DISC1: variants seen among roughly 807,000 people sequenced by gnomAD.
DISC1 encodes the protein disrupted in schizophrenia 1 protein.
A neutral mutation model predicts 84.5 loss-of-function variants in DISC1; 57 were observed. That is an observed-to-expected ratio of 0.67 (90% confidence interval 0.55 to 0.84). DISC1 has a LOEUF of 0.84. DISC1 is among the 40% of genes least tolerant of loss of function. The probability of loss-of-function intolerance (pLI) is 0.00; values close to 1 mark genes in which losing one functional copy is unlikely to be tolerated. For synonymous variants in DISC1, 411 were observed against 415.2 expected, an observed-to-expected ratio of 0.99 and a Z score of 0.12; for missense variants, 1,000 against 1,057.8, an observed-to-expected ratio of 0.95 and a Z score of 0.76.
chr1:231,952,709 A>G (rs821587), intron 9 of DISC1, among the ~76,000 whole-genome samples: 10,020 of 135,850 alleles, frequency 0.074, 720 homozygotes, highest in African/African-American at 0.2. Flanking sequence ...ATATATATAT[A>G]TATATGTATA....
intron 6 of DISC1, among the ~76,000 whole-genome samples, chr1:231,780,547 T>C (rs2077337444): frequency 7.4e-6 from 1 of 135,244 alleles, no homozygotes; most frequent in Non-Finnish European, 1.6e-5. Flanking sequence ...TAGGAACACT[T>C]TTACACTGTT....
chr1:231,808,486 G>A (rs138264047), intron 8 of DISC1, among the ~76,000 whole-genome samples: 1 of 152,232 alleles, frequency 6.6e-6, no homozygotes, highest in African/African-American at 2.4e-5. Flanking sequence ...AAGGCTGAGA[G>A]ACTTCATTGT....
chr1:231,734,909 G>T (rs969734049), intron 3 of DISC1, among the ~76,000 whole-genome samples: 8 of 152,170 alleles, frequency 5.3e-5, no homozygotes, highest in Admixed American at 3.9e-4. Flanking sequence ...GGTGTTCCCT[G>T]AAAAGATCTA....
intron 8 of DISC1, among the ~76,000 whole-genome samples, chr1:231,804,651 T>C (rs186046152): frequency 2.0e-5 from 3 of 152,258 alleles, no homozygotes; most frequent in Non-Finnish European, 2.9e-5. Flanking sequence ...TGTTCTCCCA[T>C]TGGCCACAGT....
intron 6 of DISC1, among the ~76,000 whole-genome samples, chr1:231,790,299 C>A (rs966084473): frequency 1.3e-5 from 2 of 152,130 alleles, no homozygotes; most frequent in Non-Finnish European, 2.9e-5. Context: ...ATGCATGAGT[C>A]TGCTAGGGCT....
intron 9 of DISC1, among the ~76,000 whole-genome samples, chr1:231,941,863 G>A (rs2091362880): frequency 6.6e-6 from 1 of 152,214 alleles, no homozygotes; most frequent in Non-Finnish European, 1.5e-5. Context: ...AAGGATCAGA[G>A]AGCAAATTAT....
Position 231,904,271 on chromosome 1 carries a change from C to T in DISC1, c.1982-54557C>T, listed in dbSNP as rs143846138. 7.2e-5 allele frequency among the ~76,000 whole-genome samples: 11 copies of T among 152,340 alleles called. No individual in the cohort carries two copies. The East Asian group carries it at 2.1e-3, about 29-fold the overall frequency. On this transcript the variant is annotated intron_variant, in intron 9 of 12. Transcript: ENST00000439617. ...ACTTCCTCTAACATTACATTTCCCTCAAAAATTCATTGGAGCTCTTCTCTC... is the reference window on the plus strand; with the variant it reads ...ACTTCCTCTAACATTACATTTCCCTTAAAAATTCATTGGAGCTCTTCTCTC...
At chr1:231,696,710 C>G (rs547130148) in intron 2 of DISC1, among the ~76,000 whole-genome samples, 2 of 152,290 alleles carry the variant, frequency 1.3e-5, no homozygotes, top group African/African-American at 2.4e-5. Context: ...ACAACAATAC[C>G]TTACCATTGT....
At chr1:231,808,486 G>T (rs138264047) in intron 8 of DISC1, among the ~76,000 whole-genome samples, 167 of 152,350 alleles carry the variant, frequency 1.1e-3, no homozygotes, top group Non-Finnish European at 1.9e-3. Context: ...AAGGCTGAGA[G>T]ACTTCATTGT....
intron 10 of DISC1, among the ~76,000 whole-genome samples, chr1:232,006,241 G>A (rs566957370): frequency 2.6e-5 from 4 of 152,316 alleles, no homozygotes; most frequent in Admixed American, 1.3e-4. Context: ...TTGGAACCGG[G>A]TAACAGGCAG....
intron 11 of DISC1, among the ~76,000 whole-genome samples, chr1:232,025,134 C>T (rs1669325087): frequency 6.6e-6 from 1 of 152,156 alleles, no homozygotes; most frequent in Non-Finnish European, 1.5e-5. Context: ...ATGGCCCTTA[C>T]CTCACTTGAG....
intron 3 of DISC1, among the ~76,000 whole-genome samples, chr1:231,729,411 C>T (rs1025030998): frequency 6.6e-5 from 10 of 152,132 alleles, no homozygotes; most frequent in South Asian, 4.1e-4. Flanking sequence ...CCTGAGGAAT[C>T]GTATAGAGGC....
intron 9 of DISC1, among the ~76,000 whole-genome samples, chr1:231,830,615 A>C (rs1026091454): frequency 6.6e-6 from 1 of 152,184 alleles, no homozygotes; most frequent in African/African-American, 2.4e-5. Flanking sequence ...AGAATGGTGA[A>C]TAGGAGTATA....
At chr1:231,973,399 C>T (rs1045795535) in intron 10 of DISC1, among the ~76,000 whole-genome samples, 9 of 152,216 alleles carry the variant, frequency 5.9e-5, no homozygotes, top group Non-Finnish European at 8.8e-5. Flanking sequence ...AAGATGGCTA[C>T]AACCTCATGC....
intron 9 of DISC1, among the ~76,000 whole-genome samples, chr1:231,824,408 G>A (rs2759330): frequency 0.24 from 36,026 of 152,002 alleles, 4,522 homozygotes; most frequent in East Asian, 0.41. Context: ...GATAGGCTGA[G>A]GTTTTAAATC....
chr1:231,916,293 C>T (rs2089613879), intron 9 of DISC1, among the ~76,000 whole-genome samples: 1 of 152,188 alleles, frequency 6.6e-6, no homozygotes, highest in Admixed American at 6.5e-5. Context: ...CTGTGACCTA[C>T]AGAAGCACAT....
Position 231,970,289 on chromosome 1 carries a change from A to T in DISC1, c.2042+11401A>T, listed in dbSNP as rs1446768543. Among the ~76,000 whole-genome samples the T allele has an allele frequency of 2.6e-5, 4 of 152,322 alleles. No individual in the cohort carries two copies. In the East Asian group the frequency reaches 7.7e-4, roughly 29 times the overall value. On this transcript the variant is annotated intron_variant, in intron 10 of 12. Coordinates refer to ENST00000439617, the MANE Select transcript of DISC1 (RefSeq NM_018662.3). The stretch of plus-strand genomic sequence containing the variant: ...GTTTCCTGACTTTTTAATGATCGCC[A>T]TTCTAACTGGTATGAGATGGTATCT...
chr1:231,921,808 CTTTTT>C (rs11288115), intron 9 of DISC1, among the ~76,000 whole-genome samples: 2 of 120,220 alleles, frequency 1.7e-5, no homozygotes, highest in African/African-American at 6.3e-5. Context: ...CACTAGTTAC[CTTTTT>C]TTTTTTTTTT....
intron 1 of DISC1, among the ~76,000 whole-genome samples, chr1:231,654,347 C>T (rs1278954086): frequency 6.6e-6 from 1 of 151,662 alleles, no homozygotes; most frequent in Admixed American, 6.6e-5. Flanking sequence ...TTATTTTTGA[C>T]AAATAATTTA....
Sources: allele counts gnomAD v4.1 joint callset (sites outside exome capture counted in the v4.1 genomes callset), GRCh38; gene constraint gnomAD v4.1.1; transcripts MANE v1.5; gene names NCBI Gene and HGNC (gene_info 2026-07-23, HGNC 2026-07-21).